SOX5: variants seen among roughly 807,000 people sequenced by gnomAD.
SOX5 encodes transcription factor SOX-5.
A neutral mutation model predicts 92.0 loss-of-function variants in SOX5; 9 were observed. The observed-to-expected ratio is 0.10, with a 90% CI of 0.06 to 0.17. The LOEUF (loss-of-function observed/expected upper bound fraction) is 0.17, where lower values mean the gene tolerates loss of function less well. Ranked by LOEUF, SOX5 falls within the 10% of genes least tolerant of loss-of-function variation. The pLI is 1.00. For synonymous variants in SOX5, 344 were observed against 336.3 expected, an observed-to-expected ratio of 1.02 and a Z score of -0.25; for missense variants, 642 against 944.5, an observed-to-expected ratio of 0.68 and a Z score of 4.20.
chr12:23,790,567 C>A, intron 3 of SOX5, among the ~76,000 whole-genome samples: 1 of 151,546 alleles, frequency 6.6e-6, no homozygotes, highest in Admixed American at 6.6e-5. Flanking sequence ...CACACACACA[C>A]ACACACACAC....
Position 23,665,415 on chromosome 12 carries a change from C to T in SOX5, c.931+29G>A, listed in dbSNP as rs767394015. ...AATTTAAAGCTTTGCCCTCCACCCA[C>T]TCCCAGATGAAAAATCAACAGTACT... On this transcript the variant is annotated intron_variant, in intron 7 of 14. Coordinates refer to ENST00000451604, the MANE Select transcript of SOX5 (RefSeq NM_006940.6). 3 of 1,612,346 alleles carry T rather than the reference C, an allele frequency of 1.9e-6. No homozygotes were observed. The Admixed American group carries it at 5.0e-5, about 27-fold the overall frequency.
At chr12:23,979,708 T>G (rs1174039135) in intron 4 of SOX5, among the ~76,000 whole-genome samples, 5 of 61,768 alleles carry the variant, frequency 8.1e-5, no homozygotes, top group African/African-American at 2.3e-4. Context: ...GTTTTTTTTG[T>G]TTTTTTTTTT....
chr12:24,015,812 T>C (rs1354595234), intron 4 of SOX5, among the ~76,000 whole-genome samples: 1 of 152,038 alleles, frequency 6.6e-6, no homozygotes, highest in Non-Finnish European at 1.5e-5. Context: ...TGAAATATGA[T>C]GGATCACATT....
chr12:23,574,023 T>C (rs1453890092), intron 10 of SOX5, among the ~76,000 whole-genome samples: 2 of 151,580 alleles, frequency 1.3e-5, no homozygotes, highest in Non-Finnish European at 2.9e-5. Context: ...TTAATATCAG[T>C]TATCTATCTA....
chr12:23,995,797 C>A (rs1315112605), intron 4 of SOX5, among the ~76,000 whole-genome samples: 1 of 152,136 alleles, frequency 6.6e-6, no homozygotes, highest in Non-Finnish European at 1.5e-5. Context: ...CTCTGCTCAT[C>A]GTAGTTACAT....
At chr12:24,409,243 C>G (rs191775561) in intron 1 of SOX5, among the ~76,000 whole-genome samples, 3 of 151,952 alleles carry the variant, frequency 2.0e-5, no homozygotes, top group African/African-American at 7.2e-5. Context: ...CCAAACACCA[C>G]CCACCACATG....
At chr12:23,994,165 G>C (rs575677209) in intron 4 of SOX5, among the ~76,000 whole-genome samples, 82 of 151,916 alleles carry the variant, frequency 5.4e-4, no homozygotes, top group Middle Eastern at 3.4e-3. Context: ...AAAAAGGAAT[G>C]TTTCTATAAA....
intron 9 of SOX5, among the ~76,000 whole-genome samples, chr12:23,596,532 G>T (rs1489157476): frequency 6.6e-6 from 1 of 152,150 alleles, no homozygotes; most frequent in Non-Finnish European, 1.5e-5. Context: ...TTAGTTTCAC[G>T]TATCAAGTCT....
chr12:24,171,488 GCT>G (rs1954160619), intron 4 of SOX5, among the ~76,000 whole-genome samples: 1 of 152,036 alleles, frequency 6.6e-6, no homozygotes, highest in African/African-American at 2.4e-5. Context: ...TTCCCAAAGG[GCT>G]AGGATTACAG....
intron 4 of SOX5, among the ~76,000 whole-genome samples, chr12:23,983,274 C>G (rs754551641): frequency 2.6e-5 from 4 of 152,134 alleles, no homozygotes; most frequent in Non-Finnish European, 4.4e-5. Flanking sequence ...TCACCTGCTT[C>G]CCTCTGAATG....
At chr12:23,776,395 C>A (rs1385416800) in intron 3 of SOX5, among the ~76,000 whole-genome samples, 1 of 152,096 alleles carries the variant, frequency 6.6e-6, no homozygotes, top group Non-Finnish European at 1.5e-5. Flanking sequence ...AAGGATATGA[C>A]TGAGGAAGGC....
chr12:24,060,680 G>A (rs1025536434), intron 4 of SOX5, among the ~76,000 whole-genome samples: 1 of 152,120 alleles, frequency 6.6e-6, no homozygotes, highest in Non-Finnish European at 1.5e-5. Context: ...TCAGCCTCGA[G>A]GATGGGTTCA....
At chr12:24,319,758 G>T (rs111306337) in intron 2 of SOX5, among the ~76,000 whole-genome samples, 1 of 152,114 alleles carries the variant, frequency 6.6e-6, no homozygotes, top group Non-Finnish European at 1.5e-5. Flanking sequence ...GGAGAAGCTA[G>T]TTAGAGTCCC....
At chr12:23,935,577 T>A (rs1207973126) in intron 1 of SOX5, among the ~76,000 whole-genome samples, 1 of 151,124 alleles carries the variant, frequency 6.6e-6, no homozygotes, top group African/African-American at 2.4e-5. Flanking sequence ...GAAGTCAGTA[T>A]CTCTCAAAAA....
intron 4 of SOX5, among the ~76,000 whole-genome samples, chr12:24,143,762 T>C (rs912389893): frequency 6.6e-6 from 1 of 151,330 alleles, no homozygotes; most frequent in African/African-American, 2.4e-5. Context: ...CTGTGCATTC[T>C]TACATGTGTG....
intron 1 of SOX5, among the ~76,000 whole-genome samples, chr12:24,401,731 A>AAG (rs1961708742): frequency 7.1e-6 from 1 of 141,832 alleles, no homozygotes; most frequent in Non-Finnish European, 1.5e-5. Context: ...AAAAAAAAAA[A>AAG]AAAAAATTGC....
At chr12:23,567,733 G>A (rs1022901019) in intron 10 of SOX5, among the ~76,000 whole-genome samples, 9 of 151,994 alleles carry the variant, frequency 5.9e-5, no homozygotes, top group Non-Finnish European at 1.3e-4. Context: ...TAGGATTACA[G>A]GCATGAGCCA....
At chr12:24,328,713 TA>T (rs1263469965) in intron 2 of SOX5, among the ~76,000 whole-genome samples, 1 of 152,240 alleles carries the variant, frequency 6.6e-6, no homozygotes, top group African/African-American at 2.4e-5. Flanking sequence ...TGGAAATGGA[TA>T]AAACAACTTT....
At chr12:24,204,320 T>C (rs1484144295) in intron 4 of SOX5, among the ~76,000 whole-genome samples, 1 of 145,386 alleles carries the variant, frequency 6.9e-6, no homozygotes, top group Non-Finnish European at 1.5e-5. Context: ...TTATTATTAT[T>C]ATTATTAATT....
Sources: gnomAD v4.1 joint callset for allele counts (sites outside exome capture counted in the v4.1 genomes callset) on GRCh38, gnomAD v4.1.1 for gene constraint, MANE v1.5 for transcripts, NCBI Gene and HGNC (gene_info 2026-07-23, HGNC 2026-07-21) for gene names.